PCDHGB7: variants seen among roughly 807,000 people sequenced by gnomAD.
The protein encoded by PCDHGB7 is protocadherin gamma-B7.
In PCDHGB7, 37 loss-of-function variants were observed where a neutral mutation model predicts 61.4. The observed-to-expected ratio is 0.60, with a 90% confidence interval of 0.46 to 0.79. The LOEUF (loss-of-function observed/expected upper bound fraction) is 0.79. PCDHGB7 is among the 30% of genes least tolerant of loss of function. PCDHGB7 has a pLI of 0.00. For missense variants in PCDHGB7, 1,166 were observed against 1,202.5 expected (o/e 0.97, Z 0.45); for synonymous variants, 464 against 503.5 (o/e 0.92, Z 1.05).
intron 1 of PCDHGB7, chr5:141,421,468 C>G: frequency 1.2e-6 from 2 of 1,614,096 alleles, no homozygotes; most frequent in Non-Finnish European, 1.7e-6. Flanking sequence ...TGTGAATCCG[C>G]GAAGCGGCAG....
At chr5:141,423,994 A>G (rs2096794168) in intron 1 of PCDHGB7, 17 of 1,081,216 alleles carry the variant, frequency 1.6e-5, no homozygotes, top group Non-Finnish European at 1.8e-5. Flanking sequence ...TCAATTTATT[A>G]TATATAGATA....
chr5:141,427,126 C>T (rs1216633922), intron 1 of PCDHGB7: 1 of 457,282 alleles, frequency 2.2e-6, no homozygotes, highest in Non-Finnish European at 4.4e-6. Context: ...TCTTTCAAAT[C>T]CCTACGAGAT....
intron 1 of PCDHGB7, chr5:141,484,949 A>G: frequency 1.8e-6 from 1 of 557,402 alleles, no homozygotes; most frequent in East Asian, 3.1e-5. Flanking sequence ...TGCTCAGCCT[A>G]TTGGCTGAGC....
chr5:141,482,041 T>C (rs1443886481), intron 1 of PCDHGB7, among the ~76,000 whole-genome samples: 2 of 150,190 alleles, frequency 1.3e-5, no homozygotes, highest in Non-Finnish European at 2.9e-5. Context: ...GCCAAGATCA[T>C]GCTGTTGCAT....
In PCDHGB7 at chr5:141,420,179, T is replaced by C. The variant is rs1420076172; in HGVS notation, c.2320T>C (p.Cys774Arg). The C allele has an allele frequency of 9.9e-6, 16 of 1,614,054 alleles. No homozygotes were observed. The highest frequency in any genetic ancestry group is 1.2e-5 in the Non-Finnish European group (14 of 1,179,874). Residue 774 changes from cysteine to arginine, a missense_variant, in exon 1 of 4, where the codon TGT (cysteine) becomes CGT (arginine). Physicochemically the swap from Cys to Arg is radical, Grantham distance 180 (BLOSUM62 -3). Coordinates refer to ENST00000398594, the MANE Select transcript of PCDHGB7 (RefSeq NM_018927.4). ...TAATTTTTTCACATCTGTTGATCAT[T>C]GTCCAGCCACACAAGATAACCTCAA... ...EFNFFTSVDH[C>R]PATQDNLNKD...
intron 1 of PCDHGB7, chr5:141,427,774 G>T: frequency 1.4e-6 from 2 of 1,420,908 alleles, no homozygotes; most frequent in Non-Finnish European, 2.0e-6. Context: ...TTGGAGCTGC[G>T]GGCACTGTCG....
chr5:141,498,146 G>A (rs924380243), intron 2 of PCDHGB7, among the ~76,000 whole-genome samples: 1 of 152,200 alleles, frequency 6.6e-6, no homozygotes, highest in Non-Finnish European at 1.5e-5. Context: ...GGACATCCTG[G>A]AAATGAAGTT....
In PCDHGB7 at chr5:141,490,654, C is replaced by A; in HGVS notation, c.2416-4153C>A. On this transcript the variant is annotated intron_variant, in intron 1 of 3. Transcript: ENST00000398594. The surrounding 1 kb of genome is among the most constrained non-coding windows in gnomAD (Gnocchi z 5.4). ...CCTAGAAAACCGGCCTCCGGGCTCC[C>A]TTCTTTGCACTGTGGCTGCCTCAGA... 6.2e-7 allele frequency: 1 copy of A among 1,614,206 alleles called. No individual in the cohort carries two copies. Among genetic ancestry groups the A allele is most frequent in the Non-Finnish European group, 8.5e-7 (1 of 1,180,014 alleles).
intron 1 of PCDHGB7, among the ~76,000 whole-genome samples, chr5:141,450,572 T>A (rs1276283357): frequency 6.6e-6 from 1 of 151,710 alleles, no homozygotes; most frequent in African/African-American, 2.4e-5. Flanking sequence ...CTGCAACTTC[T>A]GCCTCCCAGG....
rs2099399818 is a variant in PCDHGB7, at chr5:141,476,845, C to G, written c.2416-17962C>G. 6.2e-7 allele frequency: 1 copy of G among 1,613,794 alleles called. No individual in the cohort carries two copies. Among genetic ancestry groups the G allele is most frequent in the African/African-American group, 1.3e-5 (1 of 75,078 alleles). ...TGGACGCGAATGACAATGCGCCTGTCTTCAACCAGTCCTTGTACCGGGCGC... is the reference window on the plus strand; with the variant it reads ...TGGACGCGAATGACAATGCGCCTGTGTTCAACCAGTCCTTGTACCGGGCGC... On this transcript the variant is annotated intron_variant, in intron 1 of 3. Transcript: ENST00000398594. This position sits in a 1 kb window ranked among gnomAD's most constrained non-coding sequence, Gnocchi z 7.6.
rs148331367 is a variant in PCDHGB7 at position 141,435,055 on chromosome 5, A to C, written c.2415+14781A>C. ...TTTATTTTTTTCCCATTGACCATGC[A>C]GCAGTTTTGTGTAGACCGTCTGATA... On this transcript the variant is annotated intron_variant, in intron 1 of 3. Transcript: ENST00000398594. Among the ~76,000 whole-genome samples, 21 of 152,242 alleles carry C rather than the reference A, an allele frequency of 1.4e-4. No individual in the cohort carries two copies. The East Asian group carries it at 4.0e-3, about 29-fold the overall frequency.
intron 1 of PCDHGB7, chr5:141,421,308 C>T: frequency 6.2e-7 from 1 of 1,613,678 alleles, no homozygotes; most frequent in Non-Finnish European, 8.5e-7. Flanking sequence ...TGCGGGGGTT[C>T]CGGGCCAGGC....
Position 141,476,064 on chromosome 5 carries a change from C to T in PCDHGB7, c.2416-18743C>T, listed in dbSNP as rs1593605493. On this transcript the variant is annotated intron_variant, in intron 1 of 3. Transcript: ENST00000398594. The surrounding 1 kb of genome is among the most constrained non-coding windows in gnomAD (Gnocchi z 7.6). Reference sequence around the variant, plus strand: ...CGCTAACCCGCTGAAAGTTTCTCAGCGAAATCTCAGGGACGATCTGGACCC... The same window carrying T: ...CGCTAACCCGCTGAAAGTTTCTCAGTGAAATCTCAGGGACGATCTGGACCC... 2.0e-6 allele frequency: 3 copies of T among 1,510,080 alleles called. No homozygotes were observed. In the East Asian group the frequency reaches 6.8e-5, roughly 34 times the overall value. 93.5% of individuals were successfully genotyped at this position (1,510,080 alleles called of 1,614,324 possible). A position where few individuals can be genotyped will look rare whatever the true frequency, so the allele number is the denominator to read the frequency against.
chr5:141,481,181 G>C (rs1364223040), intron 1 of PCDHGB7, among the ~76,000 whole-genome samples: 1 of 152,154 alleles, frequency 6.6e-6, no homozygotes, highest in Non-Finnish European at 1.5e-5. Context: ...CAGCTTTATT[G>C]GGCCAGGCCC....
chr5:141,423,494 A>C lies in PCDHGB7; in HGVS notation c.2415+3220A>C, dbSNP rs753859784. ...CAGGCTTTCCTGCAAACCTATTCCCACGAGGTCTCTCTCATTGCGGACTCG... is the reference window on the plus strand; with the variant it reads ...CAGGCTTTCCTGCAAACCTATTCCCCCGAGGTCTCTCTCATTGCGGACTCG... On this transcript the variant is annotated intron_variant, in intron 1 of 3. Transcript: ENST00000398594. The C allele has an allele frequency of 3.8e-5, 61 of 1,613,842 alleles. No individual in the cohort carries two copies. The highest frequency in any genetic ancestry group is 5.9e-6 in the Non-Finnish European group (7 of 1,179,940).
chr5:141,424,690 TA>T (rs796070231), intron 1 of PCDHGB7: 89 of 152,358 alleles, frequency 5.8e-4, no homozygotes, highest in African/African-American at 1.9e-3. Context: ...TCCTTCTGGC[TA>T]TTTTTTTGTT....
In PCDHGB7 at chr5:141,423,466, G is replaced by T. The variant is rs770939556; in HGVS notation, c.2415+3192G>T. On this transcript the variant is annotated intron_variant, in intron 1 of 3. Coordinates refer to ENST00000398594, the MANE Select transcript of PCDHGB7 (RefSeq NM_018927.4). Reference sequence around the variant, plus strand: ...GTCACATTTTGTAGGCGTGGACGGGGTACAGGCTTTCCTGCAAACCTATTC... The same window carrying T: ...GTCACATTTTGTAGGCGTGGACGGGTTACAGGCTTTCCTGCAAACCTATTC... 6 of 1,614,022 alleles carry T rather than the reference G, an allele frequency of 3.7e-6. No homozygotes were observed. In the Admixed American group the frequency reaches 5.0e-5, roughly 13 times the overall value.
chr5:141,503,222 G>T (rs540244346), intron 2 of PCDHGB7, among the ~76,000 whole-genome samples: 1 of 152,120 alleles, frequency 6.6e-6, no homozygotes, highest in East Asian at 1.9e-4. Context: ...CATGAGCACC[G>T]TAAAGATGGA....
Position 141,486,683 on chromosome 5 carries a change from G to T in PCDHGB7, c.2416-8124G>T. The T allele has an allele frequency of 6.2e-7, 1 of 1,614,092 alleles. No homozygotes were observed. Among genetic ancestry groups the T allele is most frequent in the Non-Finnish European group, 8.5e-7 (1 of 1,180,026 alleles). ...GGAGCCCAGGAATCGAGATGTATCA[G>T]CTTCCTCTTTCATCTCTCTGAACCC... On this transcript the variant is annotated intron_variant, in intron 1 of 3. Transcript: ENST00000398594. This position sits in a 1 kb window ranked among gnomAD's most constrained non-coding sequence, Gnocchi z 5.0.
Sources: allele counts gnomAD v4.1 joint callset (sites outside exome capture counted in the v4.1 genomes callset), GRCh38; gene constraint gnomAD v4.1.1; non-coding constraint Gnocchi (gnomAD v3.1); transcripts MANE v1.5; gene names NCBI Gene and HGNC (gene_info 2026-07-23, HGNC 2026-07-21).